The following ANO6 variants were observed in gnomAD, a reference collection of about 807,000 sequenced individuals.
The protein encoded by ANO6 is anoctamin 6.
ANO6 carries 106 observed loss-of-function variants against 117.5 expected under a neutral mutation model. That is an observed-to-expected ratio of 0.90 (90% CI 0.77 to 1.06). The LOEUF is 1.06. Ranked by LOEUF, ANO6 falls within the 50% of genes least tolerant of loss-of-function variation. ANO6 has a pLI of 0.00. For missense variants in ANO6, 955 were observed against 1,121.1 expected, an observed-to-expected ratio of 0.85 and a Z score of 2.12; for synonymous variants, 367 against 385.1, an observed-to-expected ratio of 0.95 and a Z score of 0.55.
intron 1 of ANO6, among the ~76,000 whole-genome samples, chr12:45,264,357 A>G (rs1938146168): frequency 2.0e-5 from 3 of 152,182 alleles, no homozygotes; most frequent in South Asian, 2.1e-4. Context: ...TCCTTGGCCT[A>G]CTAATTGGTT....
intron 8 of ANO6, among the ~76,000 whole-genome samples, chr12:45,358,258 G>A (rs1941463748): frequency 6.6e-6 from 1 of 152,174 alleles, no homozygotes; most frequent in Non-Finnish European, 1.5e-5. Flanking sequence ...TTGCTTACAT[G>A]GCAGCCCTGA....
At chr12:45,271,969 TG>T in intron 1 of ANO6, among the ~76,000 whole-genome samples, 1 of 152,318 alleles carries the variant, frequency 6.6e-6, no homozygotes, top group East Asian at 1.9e-4. Context: ...GCCTTCATAT[TG>T]GAGAGCAAAT....
chr12:45,261,534 A>G (rs1252873212), intron 1 of ANO6, among the ~76,000 whole-genome samples: 1 of 152,214 alleles, frequency 6.6e-6, no homozygotes, highest in Non-Finnish European at 1.5e-5. Flanking sequence ...GGCCAGGAAC[A>G]CTCACAGTTG....
At chr12:45,379,865 C>T (rs1358658998) in intron 10 of ANO6, among the ~76,000 whole-genome samples, 1 of 152,142 alleles carries the variant, frequency 6.6e-6, no homozygotes, top group African/African-American at 2.4e-5. Context: ...CCTATAGCAT[C>T]GTATGTATAT....
chr12:45,280,879 T>TAGAGAGAG (rs1555164646), intron 1 of ANO6, among the ~76,000 whole-genome samples: 1 of 149,854 alleles, frequency 6.7e-6, no homozygotes, highest in Non-Finnish European at 1.5e-5. Context: ...TATATATATA[T>TAGAGAGAG]AGAGAGAGAG....
At chr12:45,240,903 T>C (rs1352567150) in intron 1 of ANO6, among the ~76,000 whole-genome samples, 2 of 152,210 alleles carry the variant, frequency 1.3e-5, no homozygotes, top group East Asian at 3.9e-4. Context: ...GCTGTAGGGT[T>C]TCTGCTGAGA....
downstream of ANO6, among the ~76,000 whole-genome samples, chr12:45,436,659 T>TA (rs765130985): frequency 4.6e-5 from 7 of 152,254 alleles, no homozygotes; most frequent in East Asian, 1.4e-3. Flanking sequence ...ATGTTTAATA[T>TA]AAAATAACAA....
intron 15 of ANO6, among the ~76,000 whole-genome samples, chr12:45,405,452 A>G (rs1942906924): frequency 6.6e-6 from 1 of 152,188 alleles, no homozygotes; most frequent in African/African-American, 2.4e-5. Context: ...CTCATTGTTG[A>G]AAATTACAGT....
At chr12:45,321,841 A>G (rs1940283730) in intron 2 of ANO6, among the ~76,000 whole-genome samples, 1 of 152,308 alleles carries the variant, frequency 6.6e-6, no homozygotes, top group South Asian at 2.1e-4. Flanking sequence ...CTGAATGGGT[A>G]CTTCCATTTC....
chr12:45,313,158 T>C (rs188171618), intron 2 of ANO6: 9 of 152,182 alleles, frequency 5.9e-5, no homozygotes, highest in African/African-American at 1.9e-4. Flanking sequence ...TCTGAGACTT[T>C]GGAAGTGTTT....
intron 12 of ANO6, among the ~76,000 whole-genome samples, chr12:45,401,085 A>C (rs1281013333): frequency 6.6e-6 from 1 of 152,248 alleles, no homozygotes; most frequent in African/African-American, 2.4e-5. Context: ...TGGAAATACA[A>C]GTACAAATGA....
At chr12:45,258,618 A>G (rs951766159) in intron 1 of ANO6, among the ~76,000 whole-genome samples, 2 of 151,886 alleles carry the variant, frequency 1.3e-5, no homozygotes, top group African/African-American at 4.8e-5. Flanking sequence ...TTCCCTGTAC[A>G]CTGTGATTCT....
At chr12:45,230,863 AGGCTGGG>A (rs1947563727) in intron 1 of ANO6, among the ~76,000 whole-genome samples, 1 of 152,216 alleles carries the variant, frequency 6.6e-6, no homozygotes, top group Non-Finnish European at 1.5e-5. Flanking sequence ...GAAAAATTTT[AGGCTGGG>A]TGCAGCAGCT....
chr12:45,346,052 C>T (rs991854166), intron 3 of ANO6, among the ~76,000 whole-genome samples: 3 of 152,026 alleles, frequency 2.0e-5, no homozygotes, highest in African/African-American at 4.8e-5. Flanking sequence ...CTAATAAACT[C>T]CCTCCTGTGA....
chr12:45,430,202 A>T lies in ANO6; in HGVS notation c.*891A>T, dbSNP rs17095888. 2 of 985,320 alleles carry T rather than the reference A, an allele frequency of 2.0e-6. No individual in the cohort carries two copies. The highest frequency in any genetic ancestry group is 2.4e-6 in the Non-Finnish European group (2 of 829,936). 61.0% of individuals were successfully genotyped at this position (985,320 alleles called of 1,614,324 possible). A position where few individuals can be genotyped will look rare whatever the true frequency, so the allele number is the denominator to read the frequency against. ...TGATTAAAATTACATTTTTATCAAC[A>T]TAATTGTCTGGAAAAGATAAGCCCC... is the stretch of plus-strand genomic sequence containing the variant. On this transcript the variant is annotated 3_prime_UTR_variant, in exon 20 of 20. Coordinates refer to ENST00000320560, the MANE Select transcript of ANO6 (RefSeq NM_001025356.3).
At chr12:45,369,994 C>A (rs1172103441) in intron 9 of ANO6, among the ~76,000 whole-genome samples, 2 of 152,078 alleles carry the variant, frequency 1.3e-5, no homozygotes, top group African/African-American at 4.8e-5. Context: ...TTTTTTCCCC[C>A]AAAATTCTAG....
Position 45,347,036 on chromosome 12 carries a change from A to G in ANO6, c.294A>G (p.Ala98=), listed in dbSNP as rs377757539. 7.9e-5 allele frequency: 128 copies of G among 1,614,094 alleles called. No homozygotes were observed. In the Middle Eastern group the frequency reaches 2.5e-3, roughly 31 times the overall value. ...TCTTTTGACAGAGGAAAAGACAAGC[A>G]TACGAATCTAACCTTATCTGTCATG... ...TNEKQRRKRQ[A]YESNLICHGL... Residue 98 remains alanine (A), a synonymous_variant, in exon 4 of 20, where the codon GCA becomes GCG. Transcript: ENST00000320560.
intron 1 of ANO6, among the ~76,000 whole-genome samples, chr12:45,283,625 A>G (rs1938813658): frequency 6.6e-6 from 1 of 152,200 alleles, no homozygotes; most frequent in South Asian, 2.1e-4. Flanking sequence ...TGTCTACATA[A>G]TGGGAGCTAA....
chr12:45,387,080 T>C (rs917645212), intron 10 of ANO6, among the ~76,000 whole-genome samples: 29 of 152,324 alleles, frequency 1.9e-4, no homozygotes, highest in African/African-American at 6.7e-4. Flanking sequence ...TCTTGTTTTC[T>C]CTTTATTCCC....
Sources: gnomAD v4.1 joint callset for allele counts (sites outside exome capture counted in the v4.1 genomes callset) on GRCh38, gnomAD v4.1.1 for gene constraint, MANE v1.5 for transcripts, NCBI Gene and HGNC (gene_info 2026-07-23, HGNC 2026-07-21) for gene names.